The following MRPS31 variants were observed in gnomAD, a reference collection of about 807,000 sequenced individuals.
MRPS31 encodes mitochondrial ribosomal protein S31.
In MRPS31, 32 loss-of-function variants were observed where a neutral mutation model predicts 43.1. The ratio of observed to expected loss-of-function variants is 0.74; its 90% confidence interval spans 0.56 to 1.00. The LOEUF is 1.00. Ranked by LOEUF, MRPS31 falls within the 50% of genes least tolerant of loss-of-function variation. MRPS31 has a pLI of 0.00. For synonymous variants in MRPS31, 165 were observed against 161.6 expected (o/e 1.02, Z -0.16); for missense variants, 437 against 466.7 (o/e 0.94, Z 0.59).
At chr13:40,732,933 C>G (rs1309095175) in intron 6 of MRPS31, among the ~76,000 whole-genome samples, 1 of 149,308 alleles carries the variant, frequency 6.7e-6, no homozygotes, top group East Asian at 2.0e-4. Flanking sequence ...CCTGTAATCT[C>G]AACACTTTGG....
chr13:40,769,697 G>T (rs1256072332), intron 1 of MRPS31, among the ~76,000 whole-genome samples: 2 of 151,850 alleles, frequency 1.3e-5, no homozygotes, highest in African/African-American at 4.8e-5. Context: ...ACTATTCAAG[G>T]TATTTTAATA....
At chr13:40,740,140 C>T (rs1173552150) in intron 6 of MRPS31, among the ~76,000 whole-genome samples, 4 of 148,902 alleles carry the variant, frequency 2.7e-5, no homozygotes, top group African/African-American at 7.5e-5. Flanking sequence ...TGAACAGACA[C>T]TTCTCAAAAG....
chr13:40,771,029 A>T lies in MRPS31; in HGVS notation c.108T>A (p.Val36=). 1 of 1,614,120 alleles carries T rather than the reference A, an allele frequency of 6.2e-7. No individual in the cohort carries two copies. Residue 36 remains valine (V), a synonymous_variant, in exon 1 of 7, where the codon GTT becomes GTA. Transcript: ENST00000323563. ...TGCGGTACCTGACTGTTCCGTGCCGAACAGTGAGTAGCATAATCGCAGCCG... is the reference window on the plus strand; with the variant it reads ...TGCGGTACCTGACTGTTCCGTGCCGTACAGTGAGTAGCATAATCGCAGCCG... ...TSAAAIMLLT[V]RHGTVRYRSS... is the part of the protein sequence containing the mutation.
intron 6 of MRPS31, among the ~76,000 whole-genome samples, chr13:40,740,415 A>G (rs1057074061): frequency 1.2e-4 from 15 of 126,874 alleles, no homozygotes; most frequent in Non-Finnish European, 4.7e-5. Flanking sequence ...ATACCATTTG[A>G]CCCAGCCATC....
At chr13:40,737,644 T>C (rs1879960936) in intron 6 of MRPS31, among the ~76,000 whole-genome samples, 1 of 152,066 alleles carries the variant, frequency 6.6e-6, no homozygotes, top group African/African-American at 2.4e-5. Flanking sequence ...CACTCAAAAC[T>C]GCTCAACTAC....
At chr13:40,745,849 A>G (rs571279733) in intron 6 of MRPS31, among the ~76,000 whole-genome samples, 8 of 152,338 alleles carry the variant, frequency 5.3e-5, no homozygotes, top group Non-Finnish European at 1.0e-4. Flanking sequence ...AAATCAAAGT[A>G]GAGGCTAAAA....
intron 5 of MRPS31, among the ~76,000 whole-genome samples, chr13:40,750,826 T>C (rs1280297998): frequency 6.7e-6 from 1 of 150,248 alleles, no homozygotes; most frequent in African/African-American, 2.4e-5. Context: ...ATCATTTATA[T>C]ATTTTCTCTT....
chr13:40,754,976 G>T (rs1448622491), intron 4 of MRPS31, among the ~76,000 whole-genome samples: 1 of 152,260 alleles, frequency 6.6e-6, no homozygotes, highest in African/African-American at 2.4e-5. Flanking sequence ...AGAAGTTGCA[G>T]TGAGCCGACA....
chr13:40,763,911 G>T (rs1337563262), intron 2 of MRPS31, among the ~76,000 whole-genome samples: 1 of 152,166 alleles, frequency 6.6e-6, no homozygotes, highest in Non-Finnish European at 1.5e-5. Flanking sequence ...TACTGGCCAA[G>T]AGCCCTAGCT....
rs1486105053 is a variant in MRPS31 at position 40,766,991 on chromosome 13, C to T, written c.195G>A (p.Val65=). Reference sequence around the variant, plus strand: ...ACTGCTTATCTTTCTTGCTACAGATCACACTGTTAGTGCCAAAATATCTTT... The same window carrying T: ...ACTGCTTATCTTTCTTGCTACAGATTACACTGTTAGTGCCAAAATATCTTT... The part of the protein sequence containing the change: ...NIQRYFGTNS[V]ICSKKDKQSV... The change falls in exon 2 of 7, where the codon GTG becomes GTA. Residue 65 remains valine, a synonymous_variant. Coordinates refer to ENST00000323563, the MANE Select transcript of MRPS31 (RefSeq NM_005830.4). 1 of 1,613,142 alleles carries T rather than the reference C, an allele frequency of 6.2e-7. No individual in the cohort carries two copies. Among genetic ancestry groups the T allele is most frequent in the Non-Finnish European group, 8.5e-7 (1 of 1,179,850 alleles).
At position 40,756,958 on chromosome 13, in the gene MRPS31, G is replaced by A. The variant is rs757451497; in HGVS notation, c.655C>T (p.Arg219Cys). Residue 219 changes from arginine to cysteine, a missense_variant, in exon 4 of 7, where the codon CGT becomes TGT. By Grantham distance (180) the Arg-to-Cys change is radical (BLOSUM62 -3). Coordinates refer to ENST00000323563, the MANE Select transcript of MRPS31 (RefSeq NM_005830.4). ...KVARSATARV[R>C]SRPELRIQFD... Reference sequence around the variant, plus strand: ...TGAATCCGAAGCTCTGGTCTTGAACGAACTCTAGCTGTAGCAGATCTGGCA... The same window carrying A: ...TGAATCCGAAGCTCTGGTCTTGAACAAACTCTAGCTGTAGCAGATCTGGCA... 9 of 1,613,166 alleles carry A rather than the reference G, an allele frequency of 5.6e-6. No individual in the cohort carries two copies. Among genetic ancestry groups the A allele is most frequent in the African/African-American group, 4.0e-5 (3 of 74,856 alleles).
Position 40,754,002 on chromosome 13 carries a change from T to C in MRPS31, c.814+17A>G. The C allele has an allele frequency of 6.7e-7, 1 of 1,487,140 alleles. No individual in the cohort carries two copies. 92.1% of individuals were successfully genotyped at this position (1,487,140 alleles called of 1,614,324 possible). A position where few individuals can be genotyped will look rare whatever the true frequency, so the allele number is the denominator to read the frequency against. On this transcript the variant is annotated intron_variant, in intron 5 of 6. Coordinates refer to ENST00000323563, the MANE Select transcript of MRPS31 (RefSeq NM_005830.4). ...GAATGTTTCTCCACCTGAGAAAGAG[T>C]GTTATTCTTAACAAACCTGTTTCAG... is the stretch of plus-strand genomic sequence containing the variant.
chr13:40,760,155 A>G (rs1049253636), intron 2 of MRPS31, among the ~76,000 whole-genome samples: 2 of 149,844 alleles, frequency 1.3e-5, no homozygotes, highest in Non-Finnish European at 2.9e-5. Context: ...AAAAAAAAAA[A>G]ACTGTATGAT....
At chr13:40,757,159 G>A in intron 3 of MRPS31, 146 bp from the exon 4 acceptor site, 1 of 594,412 alleles carries the variant, frequency 1.7e-6, no homozygotes, top group Non-Finnish European at 2.8e-6. Context: ...AATAAAAAAT[G>A]TCGCCTATTA....
At chr13:40,751,916 G>C (rs1880401327) in intron 5 of MRPS31, among the ~76,000 whole-genome samples, 1 of 152,060 alleles carries the variant, frequency 6.6e-6, no homozygotes, top group Non-Finnish European at 1.5e-5. Context: ...TTCAGTTTTA[G>C]AAATAAGATT....
At chr13:40,750,768 ATATATT>A (rs1880368006) in intron 5 of MRPS31, among the ~76,000 whole-genome samples, 2 of 144,922 alleles carry the variant, frequency 1.4e-5, no homozygotes, top group African/African-American at 5.1e-5. Context: ...ATATATATAT[ATATATT>A]ACATATATAT....
At position 40,770,963 on chromosome 13, in the gene MRPS31, ACGGGGTTGCCTGAGGACCTACCGGGC is replaced by A. The variant is rs1880990491; in HGVS notation, c.148_152+21del. On this transcript the variant is annotated splice_donor_variant and splice_donor_5th_base_variant and coding_sequence_variant and intron_variant, in exon 1 of 7. Transcript: ENST00000323563. LOFTEE classifies it high-confidence loss of function. The stretch of plus-strand genomic sequence containing the variant: ...AGTCGGAGGATGTACAGGACGGGGC[ACGGGGTTGCCTGAGGACCTACCGGGC>A]CAACAGCGCTGAACTGCGGTACCTG... The A allele has an allele frequency of 1.9e-6, 3 of 1,614,004 alleles. No homozygotes were observed. The South Asian group carries it at 3.3e-5, about 18-fold the overall frequency.
chr13:40,764,980 C>T (rs552510676), intron 2 of MRPS31, among the ~76,000 whole-genome samples: 1 of 152,162 alleles, frequency 6.6e-6, no homozygotes, highest in Admixed American at 6.5e-5. Context: ...CAAAGAAAAG[C>T]AGTCTATGTA....
intron 6 of MRPS31, among the ~76,000 whole-genome samples, chr13:40,737,566 A>G (rs1879958251): frequency 6.6e-6 from 1 of 152,222 alleles, no homozygotes; most frequent in Admixed American, 6.5e-5. Flanking sequence ...AAAAGAACAG[A>G]CATTATAACA....
Sources: allele counts gnomAD v4.1 joint callset (sites outside exome capture counted in the v4.1 genomes callset), GRCh38; gene constraint gnomAD v4.1.1; transcripts MANE v1.5; gene names NCBI Gene and HGNC (gene_info 2026-07-23, HGNC 2026-07-21).